The following STK39 variants were observed in gnomAD, a reference collection of about 807,000 sequenced individuals.
STK39 encodes the protein serine/threonine kinase 39, also known as STE20/SPS1-related proline-alanine-rich protein kinase.
In STK39, 20 loss-of-function variants were observed where a neutral mutation model predicts 77.8. The ratio of observed to expected loss-of-function variants is 0.26; its 90% CI spans 0.18 to 0.37. The LOEUF (loss-of-function observed/expected upper bound fraction) is 0.37. Among genes scored for constraint, STK39 ranks in the 10% least tolerant of loss-of-function variants. The pLI is 1.00. For synonymous variants in STK39, 246 were observed against 234.1 expected, an observed-to-expected ratio of 1.05 and a Z score of -0.47; for missense variants, 479 against 656.5, an observed-to-expected ratio of 0.73 and a Z score of 2.95.
chr2:168,024,458 C>T (rs967526319), intron 14 of STK39, among the ~76,000 whole-genome samples: 8 of 152,154 alleles, frequency 5.3e-5, no homozygotes, highest in African/African-American at 1.7e-4. Flanking sequence ...GTGTTTAGGT[C>T]ATGAGGGCGC....
chr2:168,000,310 C>A (rs2105296259), intron 16 of STK39, among the ~76,000 whole-genome samples: 1 of 152,290 alleles, frequency 6.6e-6, no homozygotes, highest in Middle Eastern at 3.4e-3. Context: ...TTCTCATACT[C>A]ATTCCTTGTC....
chr2:168,171,285 A>G (rs1688816618), intron 2 of STK39, among the ~76,000 whole-genome samples: 1 of 152,102 alleles, frequency 6.6e-6, no homozygotes, highest in Admixed American at 6.6e-5. Flanking sequence ...TGCAAGAAAG[A>G]CATATCAAAG....
chr2:167,981,638 T>C (rs1393872450), intron 16 of STK39, among the ~76,000 whole-genome samples: 1 of 152,218 alleles, frequency 6.6e-6, no homozygotes, highest in African/African-American at 2.4e-5. Flanking sequence ...ACATTTGTCT[T>C]GTATTTTACA....
chr2:168,179,514 T>A (rs1689032324), intron 2 of STK39, among the ~76,000 whole-genome samples: 1 of 152,030 alleles, frequency 6.6e-6, no homozygotes, highest in South Asian at 2.1e-4. Flanking sequence ...TAAGGAAACA[T>A]CAAAGCAATA....
At chr2:168,072,377 T>C (rs1362504870) in intron 12 of STK39, among the ~76,000 whole-genome samples, 5 of 152,182 alleles carry the variant, frequency 3.3e-5, no homozygotes, top group Non-Finnish European at 5.9e-5. Context: ...TTCAAATCAT[T>C]ATTCTATGTC....
Position 168,012,664 on chromosome 2 carries a change from C to G in STK39, c.1468G>C (p.Gly490Arg). 6.2e-7 allele frequency: 1 copy of G among 1,613,750 alleles called. No individual in the cohort carries two copies. The highest frequency in any genetic ancestry group is 8.5e-7 in the Non-Finnish European group (1 of 1,179,820). ...ACTACATCGTGACCATCCACCAAGC[C>G]AGCAGAGAAGAGCTCCTGAGATACA... Reference protein sequence around the residue: ...DGVSQELFSAGLVDGHDVVIV... With the variant: ...DGVSQELFSARLVDGHDVVIV... The change falls in exon 16 of 18, where the codon GGC becomes CGC. Residue 490 changes from glycine (G) to arginine (R), a missense_variant. Coordinates refer to ENST00000355999, the MANE Select transcript of STK39 (RefSeq NM_013233.3).
At chr2:168,175,912 C>A (rs1272267877) in intron 2 of STK39, among the ~76,000 whole-genome samples, 2 of 152,024 alleles carry the variant, frequency 1.3e-5, no homozygotes, top group Non-Finnish European at 2.9e-5. Flanking sequence ...GATGACAGAA[C>A]AAAACTTAAT....
chr2:168,203,235 G>A (rs1191190856), intron 1 of STK39, among the ~76,000 whole-genome samples: 3 of 152,132 alleles, frequency 2.0e-5, no homozygotes, highest in Admixed American at 1.3e-4. Flanking sequence ...AAGAGTTAGA[G>A]GGGTTCTGCC....
At chr2:168,199,168 G>T (rs761437190) in intron 1 of STK39, among the ~76,000 whole-genome samples, 1 of 152,164 alleles carries the variant, frequency 6.6e-6, no homozygotes. Flanking sequence ...TACACCATTC[G>T]GTGGACATGA....
chr2:168,052,648 T>A (rs925873136), intron 14 of STK39, among the ~76,000 whole-genome samples: 1 of 152,196 alleles, frequency 6.6e-6, no homozygotes, highest in Non-Finnish European at 1.5e-5. Flanking sequence ...ATCTGTAACA[T>A]GCTAGCCATT....
intron 16 of STK39, among the ~76,000 whole-genome samples, chr2:167,965,106 G>C (rs1692113211): frequency 8.2e-6 from 1 of 121,634 alleles, no homozygotes; most frequent in African/African-American, 2.7e-5. Flanking sequence ...ACAAAACAAA[G>C]AGGAGAGGTA....
chr2:168,045,701 C>A (rs929034095), intron 14 of STK39, among the ~76,000 whole-genome samples: 1 of 152,126 alleles, frequency 6.6e-6, no homozygotes, highest in African/African-American at 2.4e-5. Flanking sequence ...TAAAAATAAC[C>A]AGACATCAGC....
intron 15 of STK39, among the ~76,000 whole-genome samples, chr2:168,014,203 G>A (rs1684347978): frequency 6.6e-6 from 1 of 152,148 alleles, no homozygotes; most frequent in Non-Finnish European, 1.5e-5. Flanking sequence ...AAAACACCTT[G>A]GCCCAGTGCA....
At chr2:168,036,502 C>G (rs902294767) in intron 14 of STK39, among the ~76,000 whole-genome samples, 2 of 152,176 alleles carry the variant, frequency 1.3e-5, no homozygotes, top group African/African-American at 4.8e-5. Flanking sequence ...CTTGTAAGCT[C>G]TCTCTAGAAA....
chr2:168,021,701 A>T (rs917860788), intron 14 of STK39, among the ~76,000 whole-genome samples: 2 of 152,190 alleles, frequency 1.3e-5, no homozygotes, highest in African/African-American at 4.8e-5. Flanking sequence ...ATCTTAAAAT[A>T]AAAACTCTTA....
intron 1 of STK39, among the ~76,000 whole-genome samples, chr2:168,199,534 T>TC (rs1250025737): frequency 1.3e-5 from 2 of 151,736 alleles, no homozygotes; most frequent in Non-Finnish European, 2.9e-5. Flanking sequence ...ATTTTAACTT[T>TC]TTTTTTTTTT....
At chr2:168,102,924 C>T (rs373893023) in intron 10 of STK39, among the ~76,000 whole-genome samples, 8 of 111,176 alleles carry the variant, frequency 7.2e-5, no homozygotes, top group African/African-American at 1.3e-4. Context: ...AGCGAGAATC[C>T]GTCTCAAAAA....
intron 16 of STK39, among the ~76,000 whole-genome samples, chr2:168,005,251 T>C (rs948884859): frequency 2.6e-5 from 4 of 151,972 alleles, no homozygotes; most frequent in African/African-American, 9.7e-5. Context: ...AGTGATCTAC[T>C]TGCCTCAGCC....
At chr2:168,012,416 A>G (rs1028168689) in intron 16 of STK39, among the ~76,000 whole-genome samples, 10 of 152,072 alleles carry the variant, frequency 6.6e-5, no homozygotes, top group African/African-American at 2.2e-4. Context: ...CAGGTGGTCC[A>G]CCCACCTTGG....
Sources: allele counts gnomAD v4.1 joint callset (sites outside exome capture counted in the v4.1 genomes callset), GRCh38; gene constraint gnomAD v4.1.1; transcripts MANE v1.5; gene names NCBI Gene and HGNC (gene_info 2026-07-23, HGNC 2026-07-21).